The following DAB1 variants were observed in gnomAD, a reference collection of about 807,000 sequenced individuals.
DAB1 encodes the protein DAB adaptor protein 1.
DAB1 carries 15 observed loss-of-function variants against 64.6 expected under a neutral mutation model. That is an observed-to-expected ratio of 0.23 (90% CI 0.16 to 0.36). DAB1 has a LOEUF of 0.36. DAB1 is among the 10% of genes least tolerant of loss of function. The probability of loss-of-function intolerance (pLI) is 1.00; values close to 1 mark genes in which losing one functional copy is unlikely to be tolerated. For synonymous variants in DAB1, 235 were observed against 251.9 expected (o/e 0.93, Z 0.64); for missense variants, 596 against 706.7 (o/e 0.84, Z 1.78).
chr1:57,685,234 G>A (rs1323984618), intron 6 of DAB1, among the ~76,000 whole-genome samples: 1 of 151,552 alleles, frequency 6.6e-6, no homozygotes, highest in Non-Finnish European at 1.5e-5. Flanking sequence ...TTATAGGCAT[G>A]AGCCACCACT....
intron 6 of DAB1, among the ~76,000 whole-genome samples, chr1:57,732,647 A>C (rs1245950916): frequency 6.6e-6 from 1 of 152,190 alleles, no homozygotes; most frequent in African/African-American, 2.4e-5. Context: ...CCTGTGTGTC[A>C]GGTTTAGCTG....
intron 5 of DAB1, among the ~76,000 whole-genome samples, chr1:58,132,316 C>T (rs1379392911): frequency 6.6e-6 from 1 of 152,198 alleles, no homozygotes; most frequent in Non-Finnish European, 1.5e-5. Flanking sequence ...CCTGCTTCAG[C>T]TCGCGCACGG....
intron 1 of DAB1, among the ~76,000 whole-genome samples, chr1:57,411,795 T>C (rs1350421456): frequency 1.3e-5 from 2 of 152,192 alleles, no homozygotes; most frequent in African/African-American, 4.8e-5. Context: ...CTGTCGAGGG[T>C]GGTGCTAAGT....
intron 2 of DAB1, among the ~76,000 whole-genome samples, chr1:57,209,901 A>G (rs1665869434): frequency 6.6e-6 from 1 of 152,190 alleles, no homozygotes; most frequent in African/African-American, 2.4e-5. Context: ...ATGAAATTTC[A>G]CAGGCAAAGG....
intron 4 of DAB1, among the ~76,000 whole-genome samples, chr1:58,296,206 A>AAAGAAAG (rs1491165088): frequency 2.5e-5 from 3 of 118,990 alleles, no homozygotes; most frequent in Non-Finnish European, 3.5e-5. Context: ...AGAAAGAAAG[A>AAAGAAAG]AAGAAAGAAA....
intron 5 of DAB1, among the ~76,000 whole-genome samples, chr1:58,028,271 T>C (rs903398294): frequency 7.9e-5 from 12 of 152,338 alleles, no homozygotes; most frequent in Non-Finnish European, 1.3e-4. Flanking sequence ...TTTCATCAAC[T>C]GATCAATACG....
At chr1:57,238,489 CTCACTTCTATTG>C (rs1231658898) in intron 2 of DAB1, among the ~76,000 whole-genome samples, 1 of 152,212 alleles carries the variant, frequency 6.6e-6, no homozygotes, top group African/African-American at 2.4e-5. Context: ...CGCTCTCTTG[CTCACTTCTATTG>C]GAGAGTTTTT....
At chr1:57,797,066 A>C (rs756049851) in intron 6 of DAB1, among the ~76,000 whole-genome samples, 89 of 152,226 alleles carry the variant, frequency 5.8e-4, no homozygotes, top group Non-Finnish European at 1.5e-4. Context: ...TGAGGAATGA[A>C]TGAAAATAAA....
At position 57,768,986 on chromosome 1, in the gene DAB1, G is replaced by T. The variant is rs555307936; in HGVS notation, n.551+115013C>A. Among the ~76,000 whole-genome samples, 3 of 152,044 alleles carry T rather than the reference G, an allele frequency of 2.0e-5. No homozygotes were observed. In the East Asian group the frequency reaches 5.8e-4, roughly 29 times the overall value. ...CTCTCTTCCCTGCCTCTTCTTCCAG[G>T]GTGACTTGGCCCCTTCATCTGGGCT... On this transcript the variant is annotated intron_variant and non_coding_transcript_variant, in intron 6 of 20. Coordinates refer to the DAB1 transcript ENST00000485760.
At chr1:58,300,650 A>AGAG (rs1557726370) in intron 4 of DAB1, among the ~76,000 whole-genome samples, 3 of 47,376 alleles carry the variant, frequency 6.3e-5, no homozygotes, top group Non-Finnish European at 8.5e-5. Context: ...GAGAGAGAGG[A>AGAG]AGGAAGGAAG....
rs1434363332 is a variant in DAB1 at position 57,465,842 on chromosome 1, T to C, written n.626-174676A>G. On this transcript the variant is annotated intron_variant and non_coding_transcript_variant, in intron 7 of 20. Transcript: ENST00000485760. Reference sequence around the variant, plus strand: ...CTGAGTGAACAGAGAAAAAACTGAATGTAAAGACCAGGTTGAAACAAGCAC... The same window carrying C: ...CTGAGTGAACAGAGAAAAAACTGAACGTAAAGACCAGGTTGAAACAAGCAC... 2.6e-5 allele frequency among the ~76,000 whole-genome samples: 4 copies of C among 152,308 alleles called. No homozygotes were observed. The East Asian group carries it at 7.7e-4, about 29-fold the overall frequency.
intron 3 of DAB1, among the ~76,000 whole-genome samples, chr1:58,418,141 C>T (rs1036700723): frequency 6.6e-6 from 1 of 152,222 alleles, no homozygotes; most frequent in Non-Finnish European, 1.5e-5. Context: ...TCTGCCCCTT[C>T]CCTATTCTCT....
chr1:58,266,830 G>A (rs1661174932), intron 4 of DAB1, among the ~76,000 whole-genome samples: 1 of 152,156 alleles, frequency 6.6e-6, no homozygotes. Context: ...GTCCAAAGAA[G>A]ATATACAAAT....
intron 4 of DAB1, among the ~76,000 whole-genome samples, chr1:57,118,713 A>G (rs1247898594): frequency 6.6e-6 from 1 of 152,184 alleles, no homozygotes; most frequent in African/African-American, 2.4e-5. Flanking sequence ...AATAATGATC[A>G]ATGTTAGCTT....
intron 4 of DAB1, among the ~76,000 whole-genome samples, chr1:58,280,257 A>T (rs1661526611): frequency 6.6e-6 from 1 of 152,110 alleles, no homozygotes; most frequent in South Asian, 2.1e-4. Context: ...CCTTAGCCAC[A>T]CTGTGTTCTC....
chr1:57,338,312 T>G (rs1389278487), intron 1 of DAB1, among the ~76,000 whole-genome samples: 1 of 152,082 alleles, frequency 6.6e-6, no homozygotes, highest in Non-Finnish European at 1.5e-5. Context: ...CTCTTTACCT[T>G]CCTTCTCCAT....
Position 58,118,550 on chromosome 1 carries a change from CAT to C in DAB1, n.387+31959_387+31960del, listed in dbSNP as rs1227539207. On this transcript the variant is annotated intron_variant and non_coding_transcript_variant, in intron 5 of 20. Transcript: ENST00000485760. ...TATATATATAAAATACATATATATA[CAT>C]ATATATAAAATACATATATATATAT... Among the ~76,000 whole-genome samples, 8 of 80,394 alleles carry C rather than the reference CAT, an allele frequency of 1.0e-4. No individual in the cohort carries two copies. The South Asian group carries it at 1.7e-3, about 17-fold the overall frequency. The allele number at this position is 80,394 out of a possible 152,430, so 52.7% of individuals were successfully genotyped here. A position where few individuals can be genotyped will look rare whatever the true frequency, so the allele number is the denominator to read the frequency against.
chr1:57,462,003 G>A (rs760657357), intron 7 of DAB1, among the ~76,000 whole-genome samples: 2 of 131,778 alleles, frequency 1.5e-5, no homozygotes, highest in African/African-American at 2.9e-5. Flanking sequence ...CCCCAGGCTC[G>A]AGTGCAATGG....
chr1:57,912,029 G>A (rs991404908), intron 5 of DAB1, among the ~76,000 whole-genome samples: 4 of 152,118 alleles, frequency 2.6e-5, no homozygotes, highest in African/African-American at 7.2e-5. Context: ...TACGTCCAGC[G>A]CACTAAAGCC....
Sources: allele counts gnomAD v4.1 joint callset (sites outside exome capture counted in the v4.1 genomes callset), GRCh38; gene constraint gnomAD v4.1.1; transcripts MANE v1.5; gene names NCBI Gene and HGNC (gene_info 2026-07-23, HGNC 2026-07-21).